PLXNA4: variants seen among roughly 807,000 people sequenced by gnomAD.
The protein encoded by PLXNA4 is plexin A4, also known as plexin-A4.
In PLXNA4, 44 loss-of-function variants were observed where a neutral mutation model predicts 191.8. The observed-to-expected ratio is 0.23, with a 90% CI of 0.18 to 0.29. PLXNA4 has a LOEUF of 0.29. PLXNA4 is among the 10% of genes least tolerant of loss of function. The probability of loss-of-function intolerance (pLI) is 1.00; values close to 1 mark genes in which losing one functional copy is unlikely to be tolerated. For missense variants in PLXNA4, 1,800 were observed against 2,488.8 expected (o/e 0.72, Z 5.89); for synonymous variants, 1,082 against 1,009.5 (o/e 1.07, Z -1.36).
chr7:132,493,630 C>A (rs185032863), intron 2 of PLXNA4, among the ~76,000 whole-genome samples: 1 of 152,230 alleles, frequency 6.6e-6, no homozygotes, highest in East Asian at 1.9e-4. Context: ...TTTTATGCAT[C>A]TTTGTACCCC....
At chr7:132,360,662 C>G (rs1585034690) in intron 3 of PLXNA4, among the ~76,000 whole-genome samples, 2 of 152,100 alleles carry the variant, frequency 1.3e-5, no homozygotes, top group African/African-American at 2.4e-5. Context: ...AGGCCCCAAA[C>G]CCCCCATAGA....
chr7:132,640,020 C>T (rs935120311), intron 2 of PLXNA4, among the ~76,000 whole-genome samples: 6 of 152,226 alleles, frequency 3.9e-5, no homozygotes, highest in African/African-American at 9.6e-5. Context: ...TCTAGCGTTG[C>T]GCTATCATTC....
chr7:132,339,585 T>C (rs1802946362), intron 3 of PLXNA4, among the ~76,000 whole-genome samples: 1 of 152,196 alleles, frequency 6.6e-6, no homozygotes, highest in Non-Finnish European at 1.5e-5. Flanking sequence ...GAGTGTTCCA[T>C]TTTGTGAAAA....
rs541121133 is a variant in PLXNA4 at position 132,266,651 on chromosome 7, C to A, written c.1504-25485G>T. Reference sequence around the variant, plus strand: ...GCTTATCTGAAGTAGCAGGGAGTCACCTGCCCACAGAGGTGCAAGGGCTTG... The same window carrying A: ...GCTTATCTGAAGTAGCAGGGAGTCAACTGCCCACAGAGGTGCAAGGGCTTG... On this transcript the variant is annotated intron_variant, in intron 4 of 31. Transcript: ENST00000321063. Among the ~76,000 whole-genome samples, 4 of 152,302 alleles carry A rather than the reference C, an allele frequency of 2.6e-5. No homozygotes were observed. The South Asian group carries it at 8.3e-4, about 32-fold the overall frequency.
rs763577921 is a variant in PLXNA4 at position 132,306,772 on chromosome 7, A to G, written c.1372-8550T>C. ...CATGTGTGCACACACATGTATACACATGTGCACTCTCTGGCTCTGAAGATG... is the reference window on the plus strand; with the variant it reads ...CATGTGTGCACACACATGTATACACGTGTGCACTCTCTGGCTCTGAAGATG... On this transcript the variant is annotated intron_variant, in intron 3 of 31. Transcript: ENST00000321063. Among the ~76,000 whole-genome samples the G allele has an allele frequency of 1.6e-4, 25 of 152,092 alleles. 1 individual carries two copies. Among genetic ancestry groups the G allele is most frequent in the Admixed American group, 7.2e-4 (11 of 15,278 alleles).
At chr7:132,506,727 C>G (rs1160687981) in intron 2 of PLXNA4, among the ~76,000 whole-genome samples, 1 of 152,194 alleles carries the variant, frequency 6.6e-6, no homozygotes, top group Non-Finnish European at 1.5e-5. Flanking sequence ...GCCATACCCA[C>G]CAGCCATGCG....
intron 2 of PLXNA4, among the ~76,000 whole-genome samples, chr7:132,631,746 T>G (rs1464929997): frequency 6.6e-6 from 1 of 152,158 alleles, no homozygotes; most frequent in African/African-American, 2.4e-5. Context: ...TCATTATTCC[T>G]GGGATGATTA....
chr7:132,620,926 G>A (rs1018945086), intron 2 of PLXNA4, among the ~76,000 whole-genome samples: 2 of 152,114 alleles, frequency 1.3e-5, no homozygotes, highest in South Asian at 4.1e-4. Flanking sequence ...ATCCAGTAAA[G>A]GCCTGCTTCT....
chr7:132,503,982 C>T (rs149957078), intron 2 of PLXNA4, among the ~76,000 whole-genome samples: 39 of 152,348 alleles, frequency 2.6e-4, no homozygotes, highest in African/African-American at 9.4e-4. Flanking sequence ...TCCACTGACA[C>T]CAGAAAGCCC....
intron 4 of PLXNA4, among the ~76,000 whole-genome samples, chr7:132,270,315 C>A (rs1348812973): frequency 6.6e-6 from 1 of 152,020 alleles, no homozygotes. Flanking sequence ...GATTCACAGA[C>A]AATAGCTTAA....
At chr7:132,146,913 C>T (rs1194965743) in intron 27 of PLXNA4, among the ~76,000 whole-genome samples, 1 of 152,226 alleles carries the variant, frequency 6.6e-6, no homozygotes, top group African/African-American at 2.4e-5. Flanking sequence ...CTAATTCTAC[C>T]CACTCAGATC....
At chr7:132,583,115 G>A (rs1802437082) in intron 2 of PLXNA4, among the ~76,000 whole-genome samples, 1 of 152,218 alleles carries the variant, frequency 6.6e-6, no homozygotes, top group African/African-American at 2.4e-5. Context: ...GGCCATCAGA[G>A]ACATTCAAGA....
At chr7:132,469,711 T>C (rs962529887) in intron 3 of PLXNA4, among the ~76,000 whole-genome samples, 1 of 152,250 alleles carries the variant, frequency 6.6e-6, no homozygotes, top group African/African-American at 2.4e-5. Flanking sequence ...AATTTTTCTG[T>C]CTACCTAAAA....
intron 3 of PLXNA4, among the ~76,000 whole-genome samples, chr7:132,355,899 T>C (rs1803683072): frequency 6.6e-6 from 1 of 152,094 alleles, no homozygotes; most frequent in South Asian, 2.1e-4. Context: ...TTTTGTTAAA[T>C]GATAGAGGGT....
chr7:132,615,413 A>ACGGGGG (rs1803132889), intron 2 of PLXNA4, among the ~76,000 whole-genome samples: 1 of 151,942 alleles, frequency 6.6e-6, no homozygotes, highest in Non-Finnish European at 1.5e-5. Context: ...GGCGGAGGGG[A>ACGGGGG]CGGGGGCTGG....
At chr7:132,510,247 A>C (rs1284869335) in intron 1 of PLXNA4, among the ~76,000 whole-genome samples, 2 of 152,220 alleles carry the variant, frequency 1.3e-5, no homozygotes, top group African/African-American at 4.8e-5. Flanking sequence ...TAGATCACTA[A>C]GCAATGGAAA....
At chr7:132,198,421 C>A (rs2116843490) in intron 13 of PLXNA4, 64 bp downstream of exon 13, 6 of 1,555,794 alleles carry the variant, frequency 3.9e-6, no homozygotes, top group Non-Finnish European at 5.2e-6. Context: ...CTGACCAGGA[C>A]ATCCCTAATA....
At chr7:132,445,162 A>G (rs1479258487) in intron 3 of PLXNA4, among the ~76,000 whole-genome samples, 3 of 146,422 alleles carry the variant, frequency 2.0e-5, no homozygotes, top group Admixed American at 6.8e-5. Flanking sequence ...CTCAGGAAAA[A>G]AAAAAAAAAA....
chr7:132,304,737 C>CA (rs1291957928), intron 3 of PLXNA4, among the ~76,000 whole-genome samples: 3 of 131,024 alleles, frequency 2.3e-5, no homozygotes, highest in African/African-American at 1.0e-4. Flanking sequence ...GTGACTATCC[C>CA]CCGGAGGCAT....
Sources: allele counts gnomAD v4.1 joint callset (sites outside exome capture counted in the v4.1 genomes callset), GRCh38; gene constraint gnomAD v4.1.1; transcripts MANE v1.5; gene names NCBI Gene and HGNC (gene_info 2026-07-23, HGNC 2026-07-21).